TVP23A: variants seen among roughly 807,000 people sequenced by gnomAD.
TVP23A encodes the protein Golgi apparatus membrane protein TVP23 homolog A.
In TVP23A, 21 loss-of-function variants were observed where a neutral mutation model predicts 31.7. The observed-to-expected ratio is 0.66, with a 90% CI of 0.47 to 0.95. The LOEUF is 0.95. Among genes scored for constraint, TVP23A ranks in the 40% least tolerant of loss-of-function variants. TVP23A has a pLI of 0.00. For missense variants in TVP23A, 279 were observed against 255.6 expected, an observed-to-expected ratio of 1.09 and a Z score of -0.62; for synonymous variants, 104 against 96.0, an observed-to-expected ratio of 1.08 and a Z score of -0.49.
At chr16:10,760,916 C>T (rs1478679811), downstream of TVP23A, 1 of 177,032 alleles carries the variant, frequency 5.6e-6, no homozygotes, top group Non-Finnish European at 1.2e-5. Context: ...ACTGGGTAAC[C>T]TATAAGGGAA....
At chr16:10,761,761 A>G (rs1369124697), downstream of TVP23A, 4 of 1,613,258 alleles carry the variant, frequency 2.5e-6, no homozygotes, top group African/African-American at 1.3e-5. Context: ...TTGCAGAAAG[A>G]ATCTCAGATA....
Position 10,774,052 on chromosome 16 carries a change from A to C in TVP23A, c.311T>G (p.Phe104Cys), listed in dbSNP as rs747020785. ...CATGGAGAATACCTTCCTGGCTTCAAAGATCCAGTGGCTCTTCCCATCTTC... is the reference window on the plus strand; with the variant it reads ...CATGGAGAATACCTTCCTGGCTTCACAGATCCAGTGGCTCTTCCCATCTTC... ...IDEDGKSHWIFEARKVSPNSI... is the reference protein window; with the variant it reads ...IDEDGKSHWICEARKVSPNSI... The change falls in exon 4 of 8, where the codon TTT becomes TGT. Residue 104 changes from phenylalanine to cysteine, a missense_variant. Physicochemically the swap from Phe to Cys is radical, Grantham distance 205. Transcript: ENST00000299866. 6.2e-7 allele frequency: 1 copy of C among 1,611,588 alleles called. No homozygotes were observed. Among genetic ancestry groups the C allele is most frequent in the Non-Finnish European group, 8.5e-7 (1 of 1,178,890 alleles).
intron 2 of TVP23A, among the ~76,000 whole-genome samples, chr16:10,812,611 A>G (rs2143006128): frequency 6.6e-6 from 1 of 152,350 alleles, no homozygotes; most frequent in South Asian, 2.1e-4. Flanking sequence ...ACATGGATGA[A>G]ACTTGAGGAC....
At chr16:10,812,384 G>A (rs2034245971) in intron 2 of TVP23A, among the ~76,000 whole-genome samples, 1 of 152,178 alleles carries the variant, frequency 6.6e-6, no homozygotes, top group Admixed American at 6.5e-5. Context: ...AACTACCATA[G>A]GATCCAGCAA....
At chr16:10,792,192 G>A (rs1427866446) in intron 2 of TVP23A, among the ~76,000 whole-genome samples, 1 of 152,084 alleles carries the variant, frequency 6.6e-6, no homozygotes, top group Admixed American at 6.5e-5. Flanking sequence ...TCTTTCTTTT[G>A]CCTATTAAAC....
chr16:10,782,082 G>A (rs545290757), intron 2 of TVP23A, among the ~76,000 whole-genome samples: 1 of 151,790 alleles, frequency 6.6e-6, no homozygotes, highest in Non-Finnish European at 1.5e-5. Context: ...GGCTGGTCTC[G>A]AACTCCTGAC....
At chr16:10,794,167 G>C (rs559004560) in intron 2 of TVP23A, among the ~76,000 whole-genome samples, 1 of 152,150 alleles carries the variant, frequency 6.6e-6, no homozygotes, top group African/African-American at 2.4e-5. Flanking sequence ...CAGCCCTCAC[G>C]GCCGAATCAT....
At chr16:10,797,566 T>G (rs550621510) in intron 2 of TVP23A, among the ~76,000 whole-genome samples, 3 of 135,054 alleles carry the variant, frequency 2.2e-5, no homozygotes, top group African/African-American at 9.9e-5. Flanking sequence ...AAAAAAAAAA[T>G]GATTCTTATC....
At chr16:10,791,531 T>TA (rs1333241471) in intron 2 of TVP23A, among the ~76,000 whole-genome samples, 1 of 152,062 alleles carries the variant, frequency 6.6e-6, no homozygotes, top group African/African-American at 2.4e-5. Context: ...GCTGTGCCAA[T>TA]AGGAAAAGGC....
chr16:10,774,979 G>C lies in TVP23A; in HGVS notation c.207C>G (p.Leu69=). ...TCACAGACCAGAAGTCCAGGGACAG[G>C]AGGAGCAGCACCATGACAAAACAGC... The part of the protein sequence containing the change: ...FVGCFVMVLL[L]LSLDFWSVKN... The change falls in exon 3 of 8, where the codon CTC becomes CTG. Residue 69 remains leucine (L), a synonymous_variant. Coordinates refer to ENST00000299866, the MANE Select transcript of TVP23A (RefSeq NM_001079512.4). The C allele has an allele frequency of 6.2e-7, 1 of 1,613,060 alleles. No individual in the cohort carries two copies. The highest frequency in any genetic ancestry group is 8.5e-7 in the Non-Finnish European group (1 of 1,179,458).
rs535130514 is a variant in TVP23A, at chr16:10,774,209, G to A, written c.235-81C>T. 231 of 1,081,126 alleles carry A rather than the reference G, an allele frequency of 2.1e-4. 3 individuals are homozygous for A. In the Middle Eastern group the frequency reaches 2.2e-3, roughly 11 times the overall value. 67.0% of individuals were successfully genotyped at this position (1,081,126 alleles called of 1,614,324 possible). A position where few individuals can be genotyped will look rare whatever the true frequency, so the allele number is the denominator to read the frequency against. On this transcript the variant is annotated intron_variant, in intron 3 of 7. Transcript: ENST00000299866. ...CTGTATTGATAAACAAAAGTTCCTT[G>A]ATTCATTTCAGACTTGTACTGGGAG...
In TVP23A at chr16:10,800,781, C is replaced by T. The variant is rs181050575; in HGVS notation, c.89+17322G>A. On this transcript the variant is annotated intron_variant, in intron 2 of 7. Transcript: ENST00000299866. ...GTTGGATCGCTTGAGCTCAGGAGTT[C>T]AAGACCAGCCTGGGCAACATGGCGA... Among the ~76,000 whole-genome samples the T allele has an allele frequency of 2.8e-3, 427 of 152,150 alleles. 4 individuals are homozygous for T. The highest frequency in any genetic ancestry group is 1.0e-2 in the African/African-American group (413 of 41,504).
rs2031298038 is a variant in TVP23A at position 10,768,957 on chromosome 16, T to A, written c.*145A>T. The A allele has an allele frequency of 1.0e-5, 12 of 1,157,640 alleles. No individual in the cohort carries two copies. Among genetic ancestry groups the A allele is most frequent in the South Asian group, 8.9e-5 (7 of 78,244 alleles). The allele number at this position is 1,157,640 out of a possible 1,614,324, so 71.7% of individuals were successfully genotyped here. On this transcript the variant is annotated 3_prime_UTR_variant, in exon 8 of 8. Transcript: ENST00000299866. The surrounding 1 kb of genome is among the most constrained non-coding windows in gnomAD (Gnocchi z 4.3). The stretch of plus-strand genomic sequence containing the variant: ...GGAACTAGCCAGAGGATTCCACCCC[T>A]GTCAAAACACAGCCCTCCCCAGCAC...
downstream of TVP23A, chr16:10,762,057 G>A (rs550386043): frequency 5.7e-5 from 30 of 527,042 alleles, no homozygotes; most frequent in Non-Finnish European, 7.5e-5. Flanking sequence ...GGCAGGTAGC[G>A]GGAGCAAGCA....
downstream of TVP23A, among the ~76,000 whole-genome samples, chr16:10,758,313 A>G (rs1428966600): frequency 6.6e-6 from 1 of 152,110 alleles, no homozygotes; most frequent in Admixed American, 6.5e-5. Flanking sequence ...TCTACAAAAA[A>G]TATTTTAAAA....
chr16:10,818,449 G>T lies in TVP23A; in HGVS notation c.9+36C>A, dbSNP rs769032349. 14 of 1,597,880 alleles carry T rather than the reference G, an allele frequency of 8.8e-6. No homozygotes were observed. In the Middle Eastern group the frequency reaches 1.5e-3, roughly 170 times the overall value. ...CGCTCCCGCAGGCTCCCCTCGTCCC[G>T]CCCCGCCTCCAGCCCCAGCATCCCC... On this transcript the variant is annotated intron_variant, in intron 1 of 7. Transcript: ENST00000299866. The surrounding 1 kb of genome is among the most constrained non-coding windows in gnomAD (Gnocchi z 4.7).
intron 2 of TVP23A, among the ~76,000 whole-genome samples, chr16:10,776,879 G>A (rs8048352): frequency 0.016 from 2,439 of 152,224 alleles, 86 homozygotes; most frequent in African/African-American, 0.055. Flanking sequence ...CATGGTGCTG[G>A]TGGGAGTGTA....
chr16:10,773,300 G>C lies in TVP23A; in HGVS notation c.453+13C>G. ...GACATCAAAGCAATGTGGAAGTCAAGATCTGGCCTTACCAGCCACTTTAGC... is the reference window on the plus strand; with the variant it reads ...GACATCAAAGCAATGTGGAAGTCAACATCTGGCCTTACCAGCCACTTTAGC... On this transcript the variant is annotated intron_variant, in intron 5 of 7. Coordinates refer to ENST00000299866, the MANE Select transcript of TVP23A (RefSeq NM_001079512.4). 6.3e-7 allele frequency: 1 copy of C among 1,595,434 alleles called. No individual in the cohort carries two copies.
chr16:10,773,162 T>C (rs1045976545), intron 5 of TVP23A, 151 bp downstream of exon 5: 1 of 1,087,378 alleles, frequency 9.2e-7, no homozygotes, highest in African/African-American at 1.6e-5. Flanking sequence ...ATACTTTAAA[T>C]GGGTAAATTG....
Sources: allele counts gnomAD v4.1 joint callset (sites outside exome capture counted in the v4.1 genomes callset), GRCh38; gene constraint gnomAD v4.1.1; non-coding constraint Gnocchi (gnomAD v3.1); transcripts MANE v1.5; gene names NCBI Gene and HGNC (gene_info 2026-07-23, HGNC 2026-07-21).